The following SIPA1L1 variants were observed in gnomAD, a reference collection of about 807,000 sequenced individuals.
SIPA1L1 encodes signal-induced proliferation-associated 1-like protein 1.
A neutral mutation model predicts 162.7 loss-of-function variants in SIPA1L1; 26 were observed. That is an observed-to-expected ratio of 0.16 (90% CI 0.12 to 0.22). SIPA1L1 has a LOEUF of 0.22. SIPA1L1 is among the 10% of genes least tolerant of loss of function. SIPA1L1 has a pLI of 1.00. For missense variants in SIPA1L1, 1,874 were observed against 2,241.0 expected, an observed-to-expected ratio of 0.84 and a Z score of 3.31; for synonymous variants, 829 against 837.4, an observed-to-expected ratio of 0.99 and a Z score of 0.17.
At chr14:71,661,058 A>T (rs1299320318) in intron 9 of SIPA1L1, among the ~76,000 whole-genome samples, 1 of 152,226 alleles carries the variant, frequency 6.6e-6, no homozygotes, top group Non-Finnish European at 1.5e-5. Flanking sequence ...GGGACCTGGC[A>T]TAATATGCCA....
chr14:71,510,343 C>T (rs556434988), intron 2 of SIPA1L1, among the ~76,000 whole-genome samples: 5 of 152,004 alleles, frequency 3.3e-5, no homozygotes, highest in South Asian at 4.2e-4. Flanking sequence ...CCCGCCACCA[C>T]GCCCAGCTAA....
At chr14:71,334,668 T>A (rs551070410) in intron 2 of SIPA1L1, among the ~76,000 whole-genome samples, 63 of 152,336 alleles carry the variant, frequency 4.1e-4, no homozygotes, top group Middle Eastern at 6.8e-3. Context: ...ATTTTAGGCT[T>A]TTTCCATAAC....
intron 4 of SIPA1L1, among the ~76,000 whole-genome samples, chr14:71,548,662 C>T (rs901669431): frequency 2.0e-5 from 3 of 151,914 alleles, no homozygotes; most frequent in African/African-American, 2.4e-5. Context: ...TTTGGGAGGC[C>T]GAGGTGATCG....
chr14:71,488,924 T>C (rs1219835556), intron 2 of SIPA1L1, among the ~76,000 whole-genome samples: 1 of 152,218 alleles, frequency 6.6e-6, no homozygotes, highest in African/African-American at 2.4e-5. Context: ...GGCCTGCTTT[T>C]ATCAGTTATG....
chr14:71,514,811 T>C (rs1291163918), intron 3 of SIPA1L1, among the ~76,000 whole-genome samples: 1 of 152,220 alleles, frequency 6.6e-6, no homozygotes, highest in South Asian at 2.1e-4. Flanking sequence ...CGTTAACATA[T>C]AAAACTAACC....
At chr14:71,379,903 C>T (rs1387115528) in intron 2 of SIPA1L1, among the ~76,000 whole-genome samples, 1 of 152,154 alleles carries the variant, frequency 6.6e-6, no homozygotes, top group African/African-American at 2.4e-5. Flanking sequence ...CTCACTATCA[C>T]ATAAAATGTT....
In SIPA1L1 at chr14:71,588,170, A is replaced by G; in HGVS notation, c.298A>G (p.Ile100Val). The change falls in exon 5 of 24, where the codon ATA becomes GTA. Residue 100 changes from isoleucine (I) to valine (V), a missense_variant. Transcript: ENST00000381232. This position sits in a 1 kb window ranked among gnomAD's most constrained non-coding sequence, Gnocchi z 4.3. ...AGAATCTAGCCGTTCAAGCCAGGAA[A>G]TAGAAACCTCAAGTTGCCTTGATAG... Reference protein sequence around the residue: ...IKESSRSSQEIETSSCLDSLS... With the variant: ...IKESSRSSQEVETSSCLDSLS... 2.5e-6 allele frequency: 4 copies of G among 1,614,200 alleles called. No homozygotes were observed. Among genetic ancestry groups the G allele is most frequent in the Non-Finnish European group, 3.4e-6 (4 of 1,180,012 alleles).
chr14:71,710,278 G>A (rs1294231171), intron 17 of SIPA1L1, among the ~76,000 whole-genome samples: 1 of 152,120 alleles, frequency 6.6e-6, no homozygotes, highest in East Asian at 1.9e-4. Flanking sequence ...CTGTATCCTT[G>A]GAGATCACAC....
chr14:71,700,878 C>A (rs139782929), intron 14 of SIPA1L1, among the ~76,000 whole-genome samples: 3,153 of 151,718 alleles, frequency 0.021, 106 homozygotes, highest in African/African-American at 0.072. Flanking sequence ...CCCGCAGTCC[C>A]AGCTACTCAG....
intron 4 of SIPA1L1, among the ~76,000 whole-genome samples, chr14:71,539,535 G>A (rs2054196791): frequency 6.6e-6 from 1 of 152,222 alleles, no homozygotes; most frequent in Non-Finnish European, 1.5e-5. Context: ...ATGTATGGCA[G>A]TAAATTTCTT....
At chr14:71,603,008 A>G (rs550039180) in intron 5 of SIPA1L1, among the ~76,000 whole-genome samples, 2 of 152,200 alleles carry the variant, frequency 1.3e-5, no homozygotes, top group South Asian at 4.2e-4. Flanking sequence ...AAATCTAATA[A>G]TGTTTTGTTT....
At position 71,741,060 on chromosome 14, in the gene SIPA1L1, G is replaced by A. The variant is rs2085710665; in HGVS notation, c.*1899G>A. ...TCTTTTAAAACACTTTGGTATTATT[G>A]CTTGAGGTTTGCTTATTTGAAAGAC... On this transcript the variant is annotated 3_prime_UTR_variant, in exon 24 of 24. Transcript: ENST00000381232. 6.6e-6 allele frequency: 1 copy of A among 152,132 alleles called. No individual in the cohort carries two copies. Among genetic ancestry groups the A allele is most frequent in the Admixed American group, 6.5e-5 (1 of 15,270 alleles). The allele number at this position is 152,132 out of a possible 1,614,324, so 9.4% of individuals were successfully genotyped here. A position where few individuals can be genotyped will look rare whatever the true frequency, so the allele number is the denominator to read the frequency against.
intron 2 of SIPA1L1, among the ~76,000 whole-genome samples, chr14:71,348,718 T>C (rs2140542395): frequency 6.6e-6 from 1 of 152,354 alleles, no homozygotes; most frequent in African/African-American, 2.4e-5. Context: ...ACCCACTGTT[T>C]AATTTTAACA....
intron 7 of SIPA1L1, among the ~76,000 whole-genome samples, chr14:71,644,057 C>T (rs904963398): frequency 5.9e-5 from 9 of 152,126 alleles, no homozygotes; most frequent in African/African-American, 9.7e-5. Context: ...TTGCACACCT[C>T]GGCCTCCCAA....
chr14:71,468,742 C>A (rs570385933), intron 2 of SIPA1L1, among the ~76,000 whole-genome samples: 1 of 152,158 alleles, frequency 6.6e-6, no homozygotes, highest in African/African-American at 2.4e-5. Flanking sequence ...AGATCTTAAT[C>A]TTTTGTAGTA....
rs749069784 is a variant in SIPA1L1, at chr14:71,624,173, C to T, written c.1755C>T (p.Cys585=). Residue 585 remains cysteine (C), a synonymous_variant, in exon 7 of 24, where the codon TGC becomes TGT. Transcript: ENST00000381232. The part of the protein sequence containing the change: ...EHVVPELNVQ[C]LRLAFNTPKV... ...TGGTTCCTGAGCTCAATGTCCAGTG[C>T]CTGCGGTTGGCCTTCAACACACCCA... is the stretch of plus-strand genomic sequence containing the variant. 2.5e-6 allele frequency: 4 copies of T among 1,614,160 alleles called. No homozygotes were observed. Among genetic ancestry groups the T allele is most frequent in the Non-Finnish European group, 2.5e-6 (3 of 1,180,002 alleles).
intron 7 of SIPA1L1, among the ~76,000 whole-genome samples, chr14:71,633,110 T>TTGTTATGTTATGTTATGTTATGTTA (rs58429457): frequency 3.2e-4 from 44 of 137,448 alleles, no homozygotes; most frequent in Non-Finnish European, 3.6e-4. Context: ...ACAAGCATGA[T>TTGTTATGTTATGTTATGTTATGTTA]TGTTATGTTA....
At chr14:71,710,605 T>A (rs1353159565) in intron 17 of SIPA1L1, among the ~76,000 whole-genome samples, 1 of 151,964 alleles carries the variant, frequency 6.6e-6, no homozygotes, top group Non-Finnish European at 1.5e-5. Context: ...GTCAGGAGTT[T>A]GAGACCAGCT....
At chr14:71,723,934 C>T (rs375450492) in intron 18 of SIPA1L1, 48 bp downstream of exon 18, 64 of 1,608,182 alleles carry the variant, frequency 4.0e-5, no homozygotes, top group Non-Finnish European at 5.1e-5. Context: ...TTTAACAGGA[C>T]AGAGAATAGA....
Sources: gnomAD v4.1 joint callset for allele counts (sites outside exome capture counted in the v4.1 genomes callset) on GRCh38, gnomAD v4.1.1 for gene constraint, Gnocchi (gnomAD v3.1) non-coding constraint, MANE v1.5 for transcripts, NCBI Gene and HGNC (gene_info 2026-07-23, HGNC 2026-07-21) for gene names.